The following ARHGAP10 variants were observed in gnomAD, a reference collection of about 807,000 sequenced individuals.
ARHGAP10 encodes the protein Rho GTPase activating protein 10.
ARHGAP10 carries 87 observed loss-of-function variants against 108.6 expected under a neutral mutation model. The ratio of observed to expected loss-of-function variants is 0.80; its 90% confidence interval spans 0.67 to 0.96. The LOEUF is 0.96. Among genes scored for constraint, ARHGAP10 ranks in the 40% least tolerant of loss-of-function variants. ARHGAP10 has a pLI of 0.00. For synonymous variants in ARHGAP10, 347 were observed against 341.1 expected (o/e 1.02, Z -0.19); for missense variants, 939 against 954.5 (o/e 0.98, Z 0.21).
intron 13 of ARHGAP10, among the ~76,000 whole-genome samples, chr4:147,924,733 C>T (rs1007607002): frequency 1.4e-5 from 2 of 146,358 alleles, no homozygotes. Context: ...AGTTTTACTC[C>T]TTATTAACTC....
chr4:147,847,277 G>C, intron 4 of ARHGAP10, 55 bp downstream of exon 4: 2 of 1,461,384 alleles, frequency 1.4e-6, no homozygotes, highest in East Asian at 2.3e-5. Flanking sequence ...GCTGCTTCAT[G>C]GTACACTTTA....
intron 1 of ARHGAP10, among the ~76,000 whole-genome samples, chr4:147,759,775 G>GT (rs1282324318): frequency 6.6e-6 from 1 of 152,074 alleles, no homozygotes; most frequent in African/African-American, 2.4e-5. Flanking sequence ...TTGAGACAGG[G>GT]TCTCACCCTG....
At chr4:147,918,711 A>T (rs1017432906) in intron 13 of ARHGAP10, among the ~76,000 whole-genome samples, 2 of 152,230 alleles carry the variant, frequency 1.3e-5, no homozygotes, top group African/African-American at 2.4e-5. Context: ...CAGTTGGGGA[A>T]ATTTAATTCA....
intron 7 of ARHGAP10, among the ~76,000 whole-genome samples, chr4:147,870,176 G>A (rs2126853494): frequency 6.6e-6 from 1 of 151,752 alleles, no homozygotes; most frequent in South Asian, 2.1e-4. Flanking sequence ...TGTAGTCCTA[G>A]TTCATGCCAT....
chr4:147,786,539 AGG>A (rs1319654939), intron 1 of ARHGAP10, among the ~76,000 whole-genome samples: 2 of 152,180 alleles, frequency 1.3e-5, no homozygotes, highest in African/African-American at 2.4e-5. Context: ...CAGGAGCAAA[AGG>A]GGGGAAAATT....
At chr4:147,922,659 G>T (rs1048400317) in intron 13 of ARHGAP10, among the ~76,000 whole-genome samples, 1 of 136,412 alleles carries the variant, frequency 7.3e-6, no homozygotes, top group Non-Finnish European at 1.5e-5. Flanking sequence ...CTGCACTCCA[G>T]CCTGGGCGAC....
At chr4:147,931,926 A>G (rs1412278959) in intron 13 of ARHGAP10, among the ~76,000 whole-genome samples, 1 of 152,220 alleles carries the variant, frequency 6.6e-6, no homozygotes, top group Non-Finnish European at 1.5e-5. Flanking sequence ...CAATCTATCC[A>G]TCTGACAAAG....
At chr4:148,063,345 CAG>C in intron 21 of ARHGAP10, 45 bp downstream of exon 21, 4 of 1,610,496 alleles carry the variant, frequency 2.5e-6, no homozygotes, top group Middle Eastern at 1.7e-4. Flanking sequence ...GCAGCACACA[CAG>C]GGGGCTTGAT....
chr4:147,945,607 A>G (rs1297694114), intron 14 of ARHGAP10, among the ~76,000 whole-genome samples: 1 of 152,198 alleles, frequency 6.6e-6, no homozygotes, highest in Non-Finnish European at 1.5e-5. Context: ...ATCATATGTT[A>G]ATTTCAGAAA....
intron 21 of ARHGAP10, among the ~76,000 whole-genome samples, chr4:148,063,967 C>T (rs1196883979): frequency 6.6e-6 from 1 of 152,192 alleles, no homozygotes; most frequent in Non-Finnish European, 1.5e-5. Flanking sequence ...GCGGTGGCCA[C>T]CCGGAGTGGA....
At chr4:147,931,135 A>G (rs1051100969) in intron 13 of ARHGAP10, among the ~76,000 whole-genome samples, 4 of 152,186 alleles carry the variant, frequency 2.6e-5, no homozygotes, top group Admixed American at 2.6e-4. Flanking sequence ...GTAGTGCTCT[A>G]TGACAGTGTT....
intron 1 of ARHGAP10, among the ~76,000 whole-genome samples, chr4:147,812,076 A>C (rs1732048376): frequency 6.6e-6 from 1 of 152,160 alleles, no homozygotes; most frequent in African/African-American, 2.4e-5. Context: ...CTCTCGAGGC[A>C]ACCTCCTGAT....
chr4:147,791,442 C>T (rs1463209489), intron 1 of ARHGAP10, among the ~76,000 whole-genome samples: 1 of 151,894 alleles, frequency 6.6e-6, no homozygotes, highest in Non-Finnish European at 1.5e-5. Flanking sequence ...AAAAAAGCCA[C>T]ATTATTTTTT....
At chr4:147,826,451 T>C (rs762208556) in intron 3 of ARHGAP10, among the ~76,000 whole-genome samples, 8 of 152,126 alleles carry the variant, frequency 5.3e-5, no homozygotes, top group Non-Finnish European at 1.2e-4. Flanking sequence ...TGGTGTGTCA[T>C]ACACAACTCA....
At chr4:147,735,089 C>T (rs944835322) in intron 1 of ARHGAP10, among the ~76,000 whole-genome samples, 3 of 152,114 alleles carry the variant, frequency 2.0e-5, no homozygotes, top group South Asian at 2.1e-4. Flanking sequence ...GAGGCCTATG[C>T]GACCTGAAGG....
chr4:147,975,083 A>C (rs1175625575), intron 18 of ARHGAP10, among the ~76,000 whole-genome samples: 3 of 152,236 alleles, frequency 2.0e-5, no homozygotes, highest in Non-Finnish European at 4.4e-5. Flanking sequence ...TTTGTGGATG[A>C]CTTTGTGCCA....
At chr4:147,973,708 G>A (rs187831950) in intron 18 of ARHGAP10, among the ~76,000 whole-genome samples, 241 of 152,184 alleles carry the variant, frequency 1.6e-3, no homozygotes, top group African/African-American at 5.2e-3. Context: ...CCAGCCTCTG[G>A]TAACCATCAT....
rs1237552892 is a variant in ARHGAP10 at position 147,966,845 on chromosome 4, A to T, written c.1716+6A>T. 1.7e-5 allele frequency: 26 copies of T among 1,515,702 alleles called. No homozygotes were observed. The highest frequency in any genetic ancestry group is 1.7e-4 in the Middle Eastern group (1 of 5,716). 93.9% of individuals were successfully genotyped at this position (1,515,702 alleles called of 1,614,324 possible). On this transcript the variant is annotated splice_donor_region_variant and intron_variant, in intron 18 of 22. Transcript: ENST00000336498. The stretch of plus-strand genomic sequence containing the variant: ...TAATTGAAAACCATGAAAAGGTAAA[A>T]TTTTTTTTTTCTTTAAGAGACTTTG...
chr4:148,038,853 A>G (rs1052267650), intron 19 of ARHGAP10, among the ~76,000 whole-genome samples: 5 of 152,166 alleles, frequency 3.3e-5, no homozygotes, highest in Admixed American at 3.3e-4. Flanking sequence ...GAATTTTGAT[A>G]CAATTGCTGC....
Sources: gnomAD v4.1 joint callset for allele counts (sites outside exome capture counted in the v4.1 genomes callset) on GRCh38, gnomAD v4.1.1 for gene constraint, MANE v1.5 for transcripts, NCBI Gene and HGNC (gene_info 2026-07-23, HGNC 2026-07-21) for gene names.